SHISA6: variants seen among roughly 807,000 people sequenced by gnomAD.
SHISA6 encodes protein shisa-6.
Under a neutral mutation model 47.9 loss-of-function variants are expected in SHISA6, and 22 were observed. The observed-to-expected ratio is 0.46, with a 90% confidence interval of 0.33 to 0.66. The LOEUF (loss-of-function observed/expected upper bound fraction) is 0.66. Ranked by LOEUF, SHISA6 falls within the 30% of genes least tolerant of loss-of-function variation. The pLI, the probability that SHISA6 is intolerant of heterozygous loss-of-function variation, is 0.02. For missense variants in SHISA6, 680 were observed against 764.6 expected (o/e 0.89, Z 1.30); for synonymous variants, 388 against 337.8 (o/e 1.15, Z -1.63).
At chr17:11,438,238 C>T (rs1349596481) in intron 3 of SHISA6, among the ~76,000 whole-genome samples, 1 of 152,136 alleles carries the variant, frequency 6.6e-6, no homozygotes, top group Admixed American at 6.5e-5. Flanking sequence ...CTATTTCGAC[C>T]ATGTTTGCAT....
At chr17:11,474,943 TG>T (rs1916018345) in intron 3 of SHISA6, among the ~76,000 whole-genome samples, 1 of 152,166 alleles carries the variant, frequency 6.6e-6, no homozygotes, top group Admixed American at 6.5e-5. Context: ...TGGGAAGAAC[TG>T]GTATTTTGAC....
intron 3 of SHISA6, among the ~76,000 whole-genome samples, chr17:11,436,901 G>C (rs2142294067): frequency 6.6e-6 from 1 of 152,270 alleles, no homozygotes; most frequent in Admixed American, 6.5e-5. Context: ...ACTCATCAAT[G>C]GCTGTCTAAA....
At chr17:11,539,852 C>T (rs554338323) in intron 3 of SHISA6, among the ~76,000 whole-genome samples, 3 of 152,190 alleles carry the variant, frequency 2.0e-5, no homozygotes, top group Admixed American at 6.5e-5. Context: ...TGCCAAAGCC[C>T]AGGACTCATG....
intron 2 of SHISA6, among the ~76,000 whole-genome samples, chr17:11,291,472 G>A (rs9909974): frequency 0.91 from 137,974 of 151,880 alleles, 62,744 homozygotes; most frequent in East Asian, 1. Context: ...CGTCTCTACT[G>A]AAAATACAAA....
chr17:11,475,010 T>A (rs1330017713), intron 3 of SHISA6, among the ~76,000 whole-genome samples: 1 of 152,158 alleles, frequency 6.6e-6, no homozygotes, highest in Non-Finnish European at 1.5e-5. Flanking sequence ...ATTTCTGTGA[T>A]TTTTTTAAGC....
chr17:11,507,375 C>A (rs2071508131), intron 3 of SHISA6, among the ~76,000 whole-genome samples: 2 of 152,176 alleles, frequency 1.3e-5, no homozygotes. Context: ...CCTCCCCACC[C>A]TCCGCCCTAC....
At chr17:11,301,242 CA>C (rs1909916835) in intron 2 of SHISA6, among the ~76,000 whole-genome samples, 1 of 152,090 alleles carries the variant, frequency 6.6e-6, no homozygotes, top group Admixed American at 6.5e-5. Flanking sequence ...ATTGGACCCT[CA>C]AGTTGAAGTT....
Position 11,533,403 on chromosome 17 carries a change from C to G in SHISA6, c.896-18493C>G, listed in dbSNP as rs74989233. On this transcript the variant is annotated intron_variant, in intron 3 of 5. Coordinates refer to ENST00000441885, the MANE Select transcript of SHISA6 (RefSeq NM_207386.4). ...GTGCCATAATCTAACCTCATTCTAC[C>G]GTCTCTCATCTGCACTCCTACCAAC... Among the ~76,000 whole-genome samples, 406 of 152,020 alleles carry G rather than the reference C, an allele frequency of 2.7e-3. 1 individual carries two copies. The highest frequency in any genetic ancestry group is 9.4e-3 in the African/African-American group (392 of 41,486).
chr17:11,387,815 G>A (rs1295832819), intron 3 of SHISA6, among the ~76,000 whole-genome samples: 1 of 152,116 alleles, frequency 6.6e-6, no homozygotes, highest in African/African-American at 2.4e-5. Flanking sequence ...GTTTTATGTG[G>A]ACTGTGGACA....
At chr17:11,528,121 T>C (rs1280120008) in intron 3 of SHISA6, among the ~76,000 whole-genome samples, 2 of 152,234 alleles carry the variant, frequency 1.3e-5, no homozygotes, top group Non-Finnish European at 2.9e-5. Flanking sequence ...ACTGCCTTCA[T>C]TTGTTTTTGG....
At chr17:11,333,587 TC>T (rs1319416931) in intron 2 of SHISA6, among the ~76,000 whole-genome samples, 4 of 152,164 alleles carry the variant, frequency 2.6e-5, no homozygotes, top group Non-Finnish European at 5.9e-5. Flanking sequence ...TGATTTTGGC[TC>T]ACTGCAATCT....
chr17:11,412,727 G>C (rs1018696061), intron 3 of SHISA6, among the ~76,000 whole-genome samples: 1 of 152,086 alleles, frequency 6.6e-6, no homozygotes, highest in African/African-American at 2.4e-5. Context: ...ATTTTTAGTA[G>C]AGACGGGGGA....
At chr17:11,471,802 AG>A (rs2142322526) in intron 3 of SHISA6, among the ~76,000 whole-genome samples, 1 of 152,324 alleles carries the variant, frequency 6.6e-6, no homozygotes, top group South Asian at 2.1e-4. Context: ...GAGCAGTTTT[AG>A]TTTCACAGCA....
intron 3 of SHISA6, among the ~76,000 whole-genome samples, chr17:11,515,008 C>A (rs1459107524): frequency 6.6e-6 from 1 of 152,062 alleles, no homozygotes; most frequent in African/African-American, 2.4e-5. Flanking sequence ...CAAGGGGCTG[C>A]AAAGGCAGCT....
intron 2 of SHISA6, among the ~76,000 whole-genome samples, chr17:11,327,651 G>A (rs60332887): frequency 0.26 from 39,709 of 152,108 alleles, 6,259 homozygotes; most frequent in Non-Finnish European, 0.34. Flanking sequence ...AAAAAAATTA[G>A]CCGGGTGTGG....
At chr17:11,314,779 A>T (rs1910451046) in intron 2 of SHISA6, among the ~76,000 whole-genome samples, 1 of 151,914 alleles carries the variant, frequency 6.6e-6, no homozygotes, top group South Asian at 2.1e-4. Context: ...ACCTCAGGTG[A>T]TCCACCCGCC....
intron 3 of SHISA6, among the ~76,000 whole-genome samples, chr17:11,540,199 T>C (rs2071821528): frequency 6.6e-6 from 1 of 152,190 alleles, no homozygotes; most frequent in South Asian, 2.1e-4. Context: ...AAATTTCCAT[T>C]TGACCCTCTG....
chr17:11,250,522 A>G (rs9303273), intron 1 of SHISA6, among the ~76,000 whole-genome samples: 123,247 of 152,170 alleles, frequency 0.81, 51,925 homozygotes, highest in South Asian at 0.92. Flanking sequence ...GGCAGGTGAC[A>G]AGGGTTACCA....
intron 2 of SHISA6, among the ~76,000 whole-genome samples, chr17:11,337,928 C>A (rs906457976): frequency 6.6e-6 from 1 of 152,132 alleles, no homozygotes; most frequent in African/African-American, 2.4e-5. Flanking sequence ...TACTTGTTAC[C>A]ACTGTGGCTG....
Sources: allele counts gnomAD v4.1 joint callset (sites outside exome capture counted in the v4.1 genomes callset), GRCh38; gene constraint gnomAD v4.1.1; transcripts MANE v1.5; gene names NCBI Gene and HGNC (gene_info 2026-07-23, HGNC 2026-07-21).